SNX8: variants seen among roughly 807,000 people sequenced by gnomAD.
SNX8 encodes sorting nexin 8.
In SNX8, 25 loss-of-function variants were observed where a neutral mutation model predicts 51.6. That is an observed-to-expected ratio of 0.48 (90% CI 0.35 to 0.68). The LOEUF (loss-of-function observed/expected upper bound fraction) is 0.68, where lower values mean the gene tolerates loss of function less well. Ranked by LOEUF, SNX8 falls within the 30% of genes least tolerant of loss-of-function variation. The pLI, the probability that SNX8 is intolerant of heterozygous loss-of-function variation, is 0.00. For synonymous variants in SNX8, 324 were observed against 277.0 expected (o/e 1.17, Z -1.68); for missense variants, 695 against 624.0 (o/e 1.11, Z -1.21).
intron 1 of SNX8, among the ~76,000 whole-genome samples, chr7:2,327,763 C>T (rs915179206): frequency 6.6e-6 from 1 of 151,802 alleles, no homozygotes; most frequent in East Asian, 1.9e-4. Context: ...AGGATGGTCT[C>T]TATCTCCTGA....
At chr7:2,282,154 T>A (rs775727378) in intron 1 of SNX8, among the ~76,000 whole-genome samples, 2 of 152,178 alleles carry the variant, frequency 1.3e-5, no homozygotes, top group African/African-American at 2.4e-5. Context: ...TGTCCCTGAC[T>A]TCCTTCCAGA....
At chr7:2,319,485 C>A (rs2115222871) in intron 1 of SNX8, among the ~76,000 whole-genome samples, 1 of 151,756 alleles carries the variant, frequency 6.6e-6, no homozygotes, top group East Asian at 1.9e-4. Context: ...CCATGGCCAA[C>A]ATGGTAAAAC....
intron 10 of SNX8, among the ~76,000 whole-genome samples, chr7:2,256,550 A>G (rs935307303): frequency 6.6e-6 from 1 of 152,246 alleles, no homozygotes; most frequent in Non-Finnish European, 1.5e-5. Context: ...CCGAAGCGCT[A>G]GAAACCTTCT....
chr7:2,317,673 T>G (rs1796778931), upstream of SNX8, among the ~76,000 whole-genome samples: 2 of 152,040 alleles, frequency 1.3e-5, no homozygotes, highest in Admixed American at 1.3e-4. Flanking sequence ...AAGCGTCCCC[T>G]TCTCACAAGG....
chr7:2,260,732 A>C (rs1415322777), intron 7 of SNX8, among the ~76,000 whole-genome samples: 1 of 152,214 alleles, frequency 6.6e-6, no homozygotes, highest in African/African-American at 2.4e-5. Context: ...GGTTTGTTTC[A>C]TGTAAAAGCT....
rs1317617492 is a variant in SNX8 at position 2,270,821 on chromosome 7, C to T, written c.540+1029G>A. On this transcript the variant is annotated intron_variant, in intron 4 of 10. Coordinates refer to ENST00000222990, the MANE Select transcript of SNX8 (RefSeq NM_013321.4). ...GTCAGCCTGGGAGAGGGGGTGTCTT[C>T]CTGCAGCAGGGACAAGGACAGAGGC... Among the ~76,000 whole-genome samples, 5 of 152,238 alleles carry T rather than the reference C, an allele frequency of 3.3e-5. No individual in the cohort carries two copies. In the East Asian group the frequency reaches 5.8e-4, roughly 18 times the overall value.
Position 2,263,301 on chromosome 7 carries a change from C to G in SNX8, c.844G>C (p.Gly282Arg). 6.2e-7 allele frequency: 1 copy of G among 1,613,848 alleles called. No individual in the cohort carries two copies. The highest frequency in any genetic ancestry group is 8.5e-7 in the Non-Finnish European group (1 of 1,179,970). ...CCTTTCAGAGCCTGCTTCAGGGACC[C>G]CCACGTGCTGCTATTCAGAGCGGCC... ...SWAALNSSTW[G>R]SLKQALKGLS... is the part of the protein sequence containing the mutation. Residue 282 changes from glycine (G) to arginine (R), a missense_variant, in exon 7 of 11, where the codon GGG (glycine) becomes CGG (arginine). By Grantham distance (125) the Gly-to-Arg change is moderately radical. Transcript: ENST00000222990.
chr7:2,274,001 G>A (rs556892139), intron 3 of SNX8, among the ~76,000 whole-genome samples: 2 of 152,302 alleles, frequency 1.3e-5, no homozygotes, highest in South Asian at 4.1e-4. Flanking sequence ...CTCTTCCGAT[G>A]AGGCTGCACT....
Position 2,302,758 on chromosome 7 carries a change from C to T in SNX8, c.94+11570G>A, listed in dbSNP as rs576953662. 7.7e-4 allele frequency among the ~76,000 whole-genome samples: 117 copies of T among 152,014 alleles called. 3 individuals carry two copies. The South Asian group carries it at 0.018, about 24-fold the overall frequency. ...GGGGAGCGCCTCTGCCCCACCGCCC[C>T]GTCTGGGATGTGAGGAGCGCCTCTG... On this transcript the variant is annotated intron_variant, in intron 1 of 10. Transcript: ENST00000222990.
chr7:2,293,394 G>A (rs1035154952), intron 1 of SNX8, among the ~76,000 whole-genome samples: 1 of 151,932 alleles, frequency 6.6e-6, no homozygotes, highest in East Asian at 2.0e-4. Context: ...GGTGGCTCAC[G>A]CCTGGAATCC....
At chr7:2,341,622 T>C (rs1184355770) in intron 1 of SNX8, among the ~76,000 whole-genome samples, 1 of 151,948 alleles carries the variant, frequency 6.6e-6, no homozygotes, top group East Asian at 1.9e-4. Context: ...CAGTGAGCCA[T>C]GTTCTCACCA....
chr7:2,268,001 G>A (rs1206627501), intron 5 of SNX8, among the ~76,000 whole-genome samples: 7 of 148,958 alleles, frequency 4.7e-5, no homozygotes, highest in African/African-American at 1.5e-4. Context: ...CTGCCCGGCC[G>A]AGACCCCGTC....
At chr7:2,303,437 A>G (rs1168344716) in intron 1 of SNX8, among the ~76,000 whole-genome samples, 1 of 151,448 alleles carries the variant, frequency 6.6e-6, no homozygotes, top group Non-Finnish European at 1.5e-5. Context: ...CCCGGCCACC[A>G]CCCCGTCTGG....
intron 1 of SNX8, chr7:2,337,312 T>A (rs1381648389): frequency 6.6e-6 from 1 of 152,036 alleles, no homozygotes; most frequent in African/African-American, 2.4e-5. Context: ...TGAGGCGTGA[T>A]GGCACGCACC....
intron 1 of SNX8, among the ~76,000 whole-genome samples, chr7:2,322,266 C>T (rs1778533739): frequency 6.6e-6 from 1 of 152,182 alleles, no homozygotes; most frequent in Non-Finnish European, 1.5e-5. Context: ...GGTGTGGTGG[C>T]TCACGCCTAT....
Position 2,324,131 on chromosome 7 carries a change from A to G in SNX8, c.-66+30091T>C, listed in dbSNP as rs543986804. Among the ~76,000 whole-genome samples the G allele has an allele frequency of 1.5e-3, 229 of 151,902 alleles. 2 individuals carry two copies. Among genetic ancestry groups the G allele is most frequent in the African/African-American group, 5.4e-3 (222 of 41,484 alleles). On this transcript the variant is annotated intron_variant, in intron 1 of 5. Transcript: ENST00000435336. The stretch of plus-strand genomic sequence containing the variant: ...GGCAAGACTCCATCTCAAAAAAAAA[A>G]GAATTTATAAAAAAAGAATGTATCT...
At chr7:2,286,528 T>A (rs76434877) in intron 1 of SNX8, among the ~76,000 whole-genome samples, 45,158 of 151,248 alleles carry the variant, frequency 0.3, 7,871 homozygotes, top group East Asian at 0.58. Context: ...TATAATTTTT[T>A]TTTTTTTTTA....
At chr7:2,310,268 A>C (rs1796634630) in intron 1 of SNX8, among the ~76,000 whole-genome samples, 1 of 152,110 alleles carries the variant, frequency 6.6e-6, no homozygotes, top group Non-Finnish European at 1.5e-5. Flanking sequence ...AAAAACCCTT[A>C]TCCTGCATAG....
chr7:2,333,807 A>G (rs1583119479), intron 1 of SNX8, among the ~76,000 whole-genome samples: 2 of 152,196 alleles, frequency 1.3e-5, no homozygotes, highest in African/African-American at 4.8e-5. Context: ...CGGATACCAT[A>G]AACAAATATT....
Sources: allele counts gnomAD v4.1 joint callset (sites outside exome capture counted in the v4.1 genomes callset), GRCh38; gene constraint gnomAD v4.1.1; transcripts MANE v1.5; gene names NCBI Gene and HGNC (gene_info 2026-07-23, HGNC 2026-07-21).